SCOC: variants seen among roughly 807,000 people sequenced by gnomAD.
SCOC encodes short coiled-coil protein.
A neutral mutation model predicts 9.9 loss-of-function variants in SCOC; 7 were observed. The ratio of observed to expected loss-of-function variants is 0.71; its 90% CI spans 0.40 to 1.33. The LOEUF is 1.33. SCOC is among the 40% of genes most tolerant of loss of function. SCOC has a pLI of 0.01. For synonymous variants in SCOC, 19 were observed against 28.2 expected, an observed-to-expected ratio of 0.67 and a Z score of 1.03; for missense variants, 66 against 89.7, an observed-to-expected ratio of 0.74 and a Z score of 1.07.
chr4:140,349,997 C>G (rs1726909106), intron 2 of SCOC, among the ~76,000 whole-genome samples: 1 of 152,208 alleles, frequency 6.6e-6, no homozygotes, highest in African/African-American at 2.4e-5. Flanking sequence ...CATTTCCTGC[C>G]ACACCATTTG....
chr4:140,357,740 C>T (rs1179653478), intron 2 of SCOC, among the ~76,000 whole-genome samples: 1 of 152,210 alleles, frequency 6.6e-6, no homozygotes, highest in Non-Finnish European at 1.5e-5. Context: ...AATGGTGAGA[C>T]AGATCAGAGC....
chr4:140,376,866 C>T (rs1728366074), intron 1 of SCOC: 1 of 152,168 alleles, frequency 6.6e-6, no homozygotes, highest in Admixed American at 6.5e-5. Context: ...ACTACCCTAT[C>T]ACTGTATTAT....
At chr4:140,317,537 C>G (rs1732359551) in intron 1 of SCOC, among the ~76,000 whole-genome samples, 1 of 151,874 alleles carries the variant, frequency 6.6e-6, no homozygotes, top group Admixed American at 6.6e-5. Flanking sequence ...GAGTTGTAAG[C>G]CCTTAAAAGA....
At chr4:140,365,336 C>A (rs1027447191) in intron 2 of SCOC, among the ~76,000 whole-genome samples, 2 of 152,120 alleles carry the variant, frequency 1.3e-5, no homozygotes, top group Non-Finnish European at 2.9e-5. Context: ...ATAGAAGAGG[C>A]AGTGCCAGAA....
At chr4:140,310,822 G>A (rs559564289) in intron 1 of SCOC, among the ~76,000 whole-genome samples, 1 of 152,292 alleles carries the variant, frequency 6.6e-6, no homozygotes, top group African/African-American at 2.4e-5. Context: ...CTTGTGGGTG[G>A]CAGTCATGAT....
At chr4:140,356,139 C>T (rs571991531) in intron 2 of SCOC, among the ~76,000 whole-genome samples, 14 of 152,114 alleles carry the variant, frequency 9.2e-5, no homozygotes, top group African/African-American at 1.4e-4. Context: ...AAAGGAGACA[C>T]GGCACAAATT....
intron 2 of SCOC, among the ~76,000 whole-genome samples, chr4:140,353,994 C>T (rs968819520): frequency 3.3e-5 from 5 of 152,200 alleles, no homozygotes; most frequent in Non-Finnish European, 7.3e-5. Context: ...TTTCATTGCT[C>T]GTAGTGTGAC....
At chr4:140,260,949 A>G (rs564485636) in intron 1 of SCOC, among the ~76,000 whole-genome samples, 1 of 152,234 alleles carries the variant, frequency 6.6e-6, no homozygotes, top group Non-Finnish European at 1.5e-5. Context: ...ATTTCCTTAC[A>G]TACATATTTT....
intron 1 of SCOC, among the ~76,000 whole-genome samples, chr4:140,296,419 C>G (rs765990506): frequency 6.6e-5 from 10 of 152,098 alleles, no homozygotes; most frequent in Non-Finnish European, 1.0e-4. Flanking sequence ...GAATAAGAAC[C>G]GTGCAAAACA....
chr4:140,349,359 T>A (rs1415389442), intron 2 of SCOC, among the ~76,000 whole-genome samples: 1 of 152,168 alleles, frequency 6.6e-6, no homozygotes, highest in Admixed American at 6.6e-5. Context: ...ATTTCCTGGT[T>A]TTTCCATGTT....
At chr4:140,279,218 A>T (rs1378627212) in intron 1 of SCOC, among the ~76,000 whole-genome samples, 1 of 152,222 alleles carries the variant, frequency 6.6e-6, no homozygotes, top group South Asian at 2.1e-4. Flanking sequence ...GTTCAAGCAC[A>T]TGAGCTCAGG....
At chr4:140,259,474 T>C (rs1201450306) in intron 1 of SCOC, among the ~76,000 whole-genome samples, 1 of 152,192 alleles carries the variant, frequency 6.6e-6, no homozygotes, top group African/African-American at 2.4e-5. Context: ...GTACTACTTT[T>C]CGGCTGGGCA....
At chr4:140,262,164 G>T (rs1010084832) in intron 1 of SCOC, among the ~76,000 whole-genome samples, 2 of 152,106 alleles carry the variant, frequency 1.3e-5, no homozygotes, top group Admixed American at 1.3e-4. Flanking sequence ...GTTTGACCAG[G>T]GTCTCTATTA....
chr4:140,315,458 T>C (rs1732289027), intron 1 of SCOC, among the ~76,000 whole-genome samples: 1 of 152,124 alleles, frequency 6.6e-6, no homozygotes, highest in Admixed American at 6.5e-5. Context: ...AGAATTGGGG[T>C]TCAAATTTGG....
At chr4:140,364,605 T>C (rs1320298510) in intron 2 of SCOC, among the ~76,000 whole-genome samples, 2 of 152,208 alleles carry the variant, frequency 1.3e-5, no homozygotes, top group African/African-American at 2.4e-5. Flanking sequence ...TGCCCTTATC[T>C]ATAAAGCTGC....
At chr4:140,259,966 G>C (rs1329927381) in intron 1 of SCOC, among the ~76,000 whole-genome samples, 2 of 152,008 alleles carry the variant, frequency 1.3e-5, no homozygotes, top group African/African-American at 4.8e-5. Context: ...TTTCCTTTCT[G>C]CCTTTCCAAA....
chr4:140,343,995 G>A (rs554225815), intron 2 of SCOC, among the ~76,000 whole-genome samples: 2 of 152,168 alleles, frequency 1.3e-5, no homozygotes, highest in South Asian at 2.1e-4. Flanking sequence ...AAGTTGCTAC[G>A]AAAACAACCT....
intron 2 of SCOC, among the ~76,000 whole-genome samples, chr4:140,356,648 T>C (rs1190316135): frequency 1.3e-5 from 2 of 152,220 alleles, no homozygotes; most frequent in Non-Finnish European, 2.9e-5. Context: ...GGCAAGAATA[T>C]AGCAGAATGA....
chr4:140,361,365 CTAT>C (rs1263022951), intron 2 of SCOC, among the ~76,000 whole-genome samples: 2 of 152,070 alleles, frequency 1.3e-5, no homozygotes, highest in African/African-American at 2.4e-5. Context: ...AGGAAAAACT[CTAT>C]TAAACTGTAT....
Sources: gnomAD v4.1 joint callset for allele counts (sites outside exome capture counted in the v4.1 genomes callset) on GRCh38, gnomAD v4.1.1 for gene constraint, MANE v1.5 for transcripts, NCBI Gene and HGNC (gene_info 2026-07-23, HGNC 2026-07-21) for gene names.